NSMCE2: variants seen among roughly 807,000 people sequenced by gnomAD.
The protein encoded by NSMCE2 is E3 SUMO-protein ligase NSE2.
NSMCE2 carries 24 observed loss-of-function variants against 23.8 expected under a neutral mutation model. The observed-to-expected ratio is 1.01, with a 90% CI of 0.73 to 1.42. The LOEUF (loss-of-function observed/expected upper bound fraction) is 1.42, where lower values mean the gene tolerates loss of function less well. Ranked by LOEUF, NSMCE2 falls within the 40% of genes most tolerant of loss-of-function variation. NSMCE2 has a pLI of 0.00. For synonymous variants in NSMCE2, 92 were observed against 94.1 expected (o/e 0.98, Z 0.13); for missense variants, 284 against 296.5 (o/e 0.96, Z 0.31).
chr8:125,219,584 ATAT>A (rs1824757660), intron 5 of NSMCE2, among the ~76,000 whole-genome samples: 1 of 152,218 alleles, frequency 6.6e-6, no homozygotes, highest in Admixed American at 6.5e-5. Context: ...TTGTGCAACG[ATAT>A]TAAATAGAGT....
chr8:125,180,061 A>G (rs1300224943), intron 4 of NSMCE2, among the ~76,000 whole-genome samples: 4 of 152,198 alleles, frequency 2.6e-5, no homozygotes, highest in Non-Finnish European at 5.9e-5. Flanking sequence ...ATCCTTTTCT[A>G]AGAACCAGCA....
chr8:125,096,736 G>A (rs956480563), intron 1 of NSMCE2, among the ~76,000 whole-genome samples: 1 of 140,324 alleles, frequency 7.1e-6, no homozygotes, highest in South Asian at 2.5e-4. Flanking sequence ...TCAGCCTCCC[G>A]AGTAGCTGGG....
At chr8:125,189,947 A>G (rs545291523) in intron 5 of NSMCE2, among the ~76,000 whole-genome samples, 19 of 152,302 alleles carry the variant, frequency 1.2e-4, no homozygotes, top group African/African-American at 4.6e-4. Flanking sequence ...TGGCTCTTCT[A>G]TGGTTTTACC....
chr8:125,095,857 G>C (rs1217316483), intron 1 of NSMCE2, among the ~76,000 whole-genome samples: 3 of 142,716 alleles, frequency 2.1e-5, no homozygotes, highest in Non-Finnish European at 1.5e-5. Flanking sequence ...ACTCCAGCCT[G>C]AGGGACAAGA....
At chr8:125,111,974 G>A (rs748107216) in intron 3 of NSMCE2, among the ~76,000 whole-genome samples, 3 of 152,054 alleles carry the variant, frequency 2.0e-5, no homozygotes, top group Non-Finnish European at 4.4e-5. Flanking sequence ...TAGTTGAGTC[G>A]GGGAGATTTC....
At chr8:125,213,681 C>G (rs112240606) in intron 5 of NSMCE2, among the ~76,000 whole-genome samples, 2,930 of 150,384 alleles carry the variant, frequency 0.019, 106 homozygotes, top group African/African-American at 0.069. Context: ...CTCTTTCTCT[C>G]TCTCTTTCTT....
At chr8:125,138,826 G>C (rs921779959) in intron 3 of NSMCE2, among the ~76,000 whole-genome samples, 2 of 152,126 alleles carry the variant, frequency 1.3e-5, no homozygotes, top group Non-Finnish European at 2.9e-5. Flanking sequence ...GAGACTTTCT[G>C]TTTGACCCAG....
chr8:125,333,536 A>G (rs1586784326), intron 5 of NSMCE2, among the ~76,000 whole-genome samples: 1 of 38,378 alleles, frequency 2.6e-5, no homozygotes, highest in Non-Finnish European at 4.4e-5. Context: ...TTTTTTTGAG[A>G]CGGAGTCTCG....
chr8:125,250,746 G>A (rs1400658832), intron 5 of NSMCE2, among the ~76,000 whole-genome samples: 1 of 152,054 alleles, frequency 6.6e-6, no homozygotes, highest in African/African-American at 2.4e-5. Context: ...ACCCTCCCCA[G>A]CTCAAGAGAT....
At chr8:125,289,647 T>C (rs901842382) in intron 5 of NSMCE2, among the ~76,000 whole-genome samples, 26 of 152,244 alleles carry the variant, frequency 1.7e-4, no homozygotes, top group African/African-American at 6.0e-4. Flanking sequence ...ATTAAATGTT[T>C]GATGAATAAT....
chr8:125,355,406 TACTGA>T (rs1194869555), intron 5 of NSMCE2, among the ~76,000 whole-genome samples: 1 of 152,166 alleles, frequency 6.6e-6, no homozygotes, highest in East Asian at 1.9e-4. Context: ...TTTAGAAAGC[TACTGA>T]TCTTTTGGCT....
chr8:125,365,365 C>T (rs956110690), intron 7 of NSMCE2, among the ~76,000 whole-genome samples: 1 of 152,294 alleles, frequency 6.6e-6, no homozygotes, highest in South Asian at 2.1e-4. Flanking sequence ...TGAAGCTGAT[C>T]GCCATACCAC....
intron 1 of NSMCE2, among the ~76,000 whole-genome samples, chr8:125,099,159 T>C (rs1818070017): frequency 6.6e-6 from 1 of 152,082 alleles, no homozygotes; most frequent in Admixed American, 6.5e-5. Context: ...TACAGTGTAA[T>C]TGGGGACTAG....
At chr8:125,305,477 G>A (rs1828720459) in intron 5 of NSMCE2, among the ~76,000 whole-genome samples, 1 of 152,180 alleles carries the variant, frequency 6.6e-6, no homozygotes, top group Admixed American at 6.5e-5. Flanking sequence ...TCTTAGTTCT[G>A]GAAGCGTTAA....
At chr8:125,319,579 G>A (rs10956240) in intron 5 of NSMCE2, among the ~76,000 whole-genome samples, 66,808 of 151,866 alleles carry the variant, frequency 0.44, 16,979 homozygotes, top group East Asian at 0.55. Context: ...GACCCAATAA[G>A]ATGAAACCTA....
chr8:125,348,789 TA>T (rs1320030226), intron 5 of NSMCE2: 1 of 152,134 alleles, frequency 6.6e-6, no homozygotes, highest in Non-Finnish European at 1.5e-5. Flanking sequence ...GTGAGTCCAT[TA>T]AACTTCTTTC....
chr8:125,245,219 G>A (rs1825909665), intron 5 of NSMCE2, among the ~76,000 whole-genome samples: 1 of 152,138 alleles, frequency 6.6e-6, no homozygotes, highest in African/African-American at 2.4e-5. Flanking sequence ...GGAGGCAGAG[G>A]TTGCAGTGAG....
rs530042742 is a variant in NSMCE2 at position 125,177,711 on chromosome 8, C to T, written c.265-4392C>T. On this transcript the variant is annotated intron_variant, in intron 4 of 7. Transcript: ENST00000287437. ...TTAGCCCTTTTCTTACTTAAGCTCA[C>T]TTGCATCATTTTCCCCAAAGGACAA... Among the ~76,000 whole-genome samples, 15 of 152,306 alleles carry T rather than the reference C, an allele frequency of 9.8e-5. No homozygotes were observed. The South Asian group carries it at 2.5e-3, about 25-fold the overall frequency.
At chr8:125,095,159 A>G (rs576249624) in intron 1 of NSMCE2, among the ~76,000 whole-genome samples, 67 of 152,232 alleles carry the variant, frequency 4.4e-4, no homozygotes, top group African/African-American at 1.5e-3. Context: ...CAGGTTTTAG[A>G]TAATCAGTAC....
Sources: allele counts gnomAD v4.1 joint callset (sites outside exome capture counted in the v4.1 genomes callset), GRCh38; gene constraint gnomAD v4.1.1; transcripts MANE v1.5; gene names NCBI Gene and HGNC (gene_info 2026-07-23, HGNC 2026-07-21).